C8orf34: variants seen among roughly 807,000 people sequenced by gnomAD.
C8orf34 encodes uncharacterized protein C8orf34.
C8orf34 carries 65 observed loss-of-function variants against 68.3 expected under a neutral mutation model. The ratio of observed to expected loss-of-function variants is 0.95; its 90% CI spans 0.78 to 1.17. C8orf34 has a LOEUF of 1.17. Ranked by LOEUF, C8orf34 falls within the 50% of genes most tolerant of loss-of-function variation. C8orf34 has a pLI of 0.00. For synonymous variants in C8orf34, 244 were observed against 241.2 expected (o/e 1.01, Z -0.11); for missense variants, 664 against 655.4 (o/e 1.01, Z -0.14).
intron 6 of C8orf34, chr8:68,525,956 C>CTTTTTTTT (rs10692707): frequency 3.1e-4 from 55 of 178,726 alleles, no homozygotes; most frequent in African/African-American, 3.7e-4. Flanking sequence ...TTCTTTCTTT[C>CTTTTTTTT]TTTTTTTTTT....
At chr8:68,421,415 C>G (rs993493138) in intron 1 of C8orf34, among the ~76,000 whole-genome samples, 1 of 152,116 alleles carries the variant, frequency 6.6e-6, no homozygotes, top group Non-Finnish European at 1.5e-5. Flanking sequence ...CAAAATGAAA[C>G]AAGAGCAAAA....
chr8:68,346,201 A>G (rs1332135757), intron 1 of C8orf34, among the ~76,000 whole-genome samples: 1 of 151,852 alleles, frequency 6.6e-6, no homozygotes, highest in African/African-American at 2.4e-5. Flanking sequence ...AATTTCCCAT[A>G]TTAGAGACTT....
chr8:68,800,367 G>A (rs1017016631), intron 12 of C8orf34, among the ~76,000 whole-genome samples: 1 of 151,874 alleles, frequency 6.6e-6, no homozygotes, highest in Admixed American at 6.6e-5. Context: ...AGTAATTTGG[G>A]TTTTTTTTAA....
rs147484761 is a variant in C8orf34, at chr8:68,756,472, C to T, written c.1405-19927C>T. Among the ~76,000 whole-genome samples the T allele has an allele frequency of 7.2e-3, 1,097 of 152,104 alleles. 18 individuals are homozygous for T. Among genetic ancestry groups the T allele is most frequent in the African/African-American group, 0.025 (1,030 of 41,474 alleles). On this transcript the variant is annotated intron_variant, in intron 10 of 13. Transcript: ENST00000518698. Reference sequence around the variant, plus strand: ...CACCTCTGCTGGGCATTCTGTTGATCGGAAGTGTATACTTCTGAAGTAACG... The same window carrying T: ...CACCTCTGCTGGGCATTCTGTTGATTGGAAGTGTATACTTCTGAAGTAACG...
At chr8:68,484,910 C>A (rs1056610487) in intron 4 of C8orf34, among the ~76,000 whole-genome samples, 2 of 152,144 alleles carry the variant, frequency 1.3e-5, no homozygotes, top group Admixed American at 6.5e-5. Context: ...GCAAAGTCAT[C>A]AAAATATGTA....
chr8:68,643,263 C>T (rs1014374898), intron 8 of C8orf34, among the ~76,000 whole-genome samples: 1 of 152,158 alleles, frequency 6.6e-6, no homozygotes, highest in Non-Finnish European at 1.5e-5. Flanking sequence ...CAATCCATGT[C>T]ATTGTCTCAC....
chr8:68,593,982 T>C (rs1017060774), intron 7 of C8orf34, among the ~76,000 whole-genome samples: 1 of 152,148 alleles, frequency 6.6e-6, no homozygotes, highest in African/African-American at 2.4e-5. Context: ...AAATGTTCTT[T>C]TTAAGGTAAG....
intron 1 of C8orf34, among the ~76,000 whole-genome samples, chr8:68,401,796 G>T (rs1187834742): frequency 6.6e-6 from 1 of 151,734 alleles, no homozygotes; most frequent in Non-Finnish European, 1.5e-5. Context: ...GATTCAGTTT[G>T]CTAATGTTTT....
At chr8:68,638,616 T>G (rs547447389) in intron 7 of C8orf34, among the ~76,000 whole-genome samples, 3 of 152,228 alleles carry the variant, frequency 2.0e-5, no homozygotes, top group African/African-American at 7.2e-5. Flanking sequence ...CCCTTTGTTT[T>G]CAGAGCACGC....
At chr8:68,484,195 AC>A (rs1208976699) in intron 4 of C8orf34, among the ~76,000 whole-genome samples, 1 of 152,228 alleles carries the variant, frequency 6.6e-6, no homozygotes, top group East Asian at 1.9e-4. Context: ...CATTTTCTAT[AC>A]ATTTTCAAAG....
chr8:68,587,451 G>C (rs1817241914), intron 7 of C8orf34, among the ~76,000 whole-genome samples: 1 of 152,080 alleles, frequency 6.6e-6, no homozygotes, highest in Admixed American at 6.6e-5. Context: ...TAGACCTCAA[G>C]TGGAGCTCTC....
intron 7 of C8orf34, among the ~76,000 whole-genome samples, chr8:68,632,121 A>G (rs1468496339): frequency 2.0e-5 from 3 of 152,140 alleles, no homozygotes; most frequent in Non-Finnish European, 4.4e-5. Context: ...GACTTGTTGA[A>G]TAGTTTTGAC....
chr8:68,747,990 A>G (rs1195863205), intron 10 of C8orf34, among the ~76,000 whole-genome samples: 6 of 151,606 alleles, frequency 4.0e-5, no homozygotes, highest in South Asian at 2.1e-4. Flanking sequence ...AAACTATACT[A>G]CAAGGCTACA....
chr8:68,369,364 T>C (rs1023319620), intron 1 of C8orf34, among the ~76,000 whole-genome samples: 1 of 152,158 alleles, frequency 6.6e-6, no homozygotes, highest in Non-Finnish European at 1.5e-5. Context: ...GATGCCTGAG[T>C]GGAACTGTAA....
chr8:68,438,734 T>G (rs894986813), intron 1 of C8orf34: 2 of 152,194 alleles, frequency 1.3e-5, no homozygotes, highest in African/African-American at 4.8e-5. Context: ...CTAGGGATTC[T>G]AATGGACTAC....
chr8:68,383,902 A>G (rs2129620318), intron 1 of C8orf34, among the ~76,000 whole-genome samples: 1 of 152,320 alleles, frequency 6.6e-6, no homozygotes, highest in South Asian at 2.1e-4. Flanking sequence ...AAATGAGACA[A>G]TGTAATCTCC....
intron 7 of C8orf34, among the ~76,000 whole-genome samples, chr8:68,587,431 G>A (rs535656960): frequency 7.5e-4 from 114 of 152,150 alleles, no homozygotes; most frequent in Admixed American, 2.1e-3. Flanking sequence ...TTGGTTAATA[G>A]ATTTCAATCT....
intron 8 of C8orf34, among the ~76,000 whole-genome samples, chr8:68,645,213 G>A (rs1819129314): frequency 6.6e-6 from 1 of 152,124 alleles, no homozygotes; most frequent in Admixed American, 6.5e-5. Context: ...TGGGTTTTTA[G>A]CTGTGAAACG....
At chr8:68,464,004 C>T (rs1356952242) in intron 3 of C8orf34, among the ~76,000 whole-genome samples, 2 of 152,192 alleles carry the variant, frequency 1.3e-5, no homozygotes, top group African/African-American at 2.4e-5. Context: ...GTCAAATTGT[C>T]CCCATTTGCA....
Sources: allele counts gnomAD v4.1 joint callset (sites outside exome capture counted in the v4.1 genomes callset), GRCh38; gene constraint gnomAD v4.1.1; transcripts MANE v1.5; gene names NCBI Gene and HGNC (gene_info 2026-07-23, HGNC 2026-07-21).